MSRB3: variants seen among roughly 807,000 people sequenced by gnomAD.
MSRB3 encodes the protein methionine sulfoxide reductase B3.
In MSRB3, 13 loss-of-function variants were observed where a neutral mutation model predicts 21.0. The observed-to-expected ratio is 0.62, with a 90% confidence interval of 0.40 to 0.98. The LOEUF is 0.98. MSRB3 is among the 50% of genes least tolerant of loss of function. The pLI is 0.00. For missense variants in MSRB3, 199 were observed against 230.3 expected, an observed-to-expected ratio of 0.86 and a Z score of 0.88; for synonymous variants, 87 against 88.6, an observed-to-expected ratio of 0.98 and a Z score of 0.10.
chr12:65,330,765 A>C (rs570406066), intron 4 of MSRB3, among the ~76,000 whole-genome samples: 4 of 152,172 alleles, frequency 2.6e-5, no homozygotes. Flanking sequence ...GTTGGTAAAA[A>C]ATAGTGAAAT....
At chr12:65,382,650 A>T (rs1419825686) in intron 5 of MSRB3, among the ~76,000 whole-genome samples, 1 of 151,832 alleles carries the variant, frequency 6.6e-6, no homozygotes, top group Non-Finnish European at 1.5e-5. Flanking sequence ...GTATCCCTTG[A>T]AATATTGTGA....
intron 1 of MSRB3, among the ~76,000 whole-genome samples, chr12:65,280,891 G>A (rs1050965067): frequency 2.6e-5 from 4 of 152,096 alleles, no homozygotes; most frequent in African/African-American, 9.7e-5. Flanking sequence ...CCAACAGTAA[G>A]GTTCATCAGT....
intron 4 of MSRB3, among the ~76,000 whole-genome samples, chr12:65,333,339 A>G (rs533249425): frequency 6.6e-6 from 1 of 152,364 alleles, no homozygotes; most frequent in African/African-American, 2.4e-5. Flanking sequence ...ATAGGAAGGA[A>G]TATGACTACA....
At chr12:65,451,729 A>G (rs1318260423) in intron 5 of MSRB3, among the ~76,000 whole-genome samples, 1 of 152,246 alleles carries the variant, frequency 6.6e-6, no homozygotes, top group African/African-American at 2.4e-5. Context: ...GTGAGAAACT[A>G]GCATTGATAT....
chr12:65,334,461 ATATTT>A (rs1167412886), intron 4 of MSRB3, among the ~76,000 whole-genome samples: 1 of 152,218 alleles, frequency 6.6e-6, no homozygotes, highest in Non-Finnish European at 1.5e-5. Context: ...TGAAATTTTA[ATATTT>A]TATTTTAGTC....
Position 65,434,104 on chromosome 12 carries a change from C to G in MSRB3, c.293-19624C>G, listed in dbSNP as rs950951938. Among the ~76,000 whole-genome samples the G allele has an allele frequency of 2.0e-5, 3 of 151,894 alleles. No individual in the cohort carries two copies. The South Asian group carries it at 6.2e-4, about 32-fold the overall frequency. ...CCTCATTTAGTGTATGGGGTCCGTC[C>G]TTTCTCCATTTTTTCTTTTTTTGAA... On this transcript the variant is annotated intron_variant, in intron 5 of 6. Coordinates refer to ENST00000308259, the MANE Select transcript of MSRB3 (RefSeq NM_001031679.3).
intron 1 of MSRB3, 23 bp from the exon 2 acceptor site, chr12:65,308,506 T>C (rs555076821): frequency 1.2e-6 from 2 of 1,612,616 alleles, no homozygotes; most frequent in African/African-American, 2.7e-5. Context: ...TTGATTTTTG[T>C]TTTTGTTTTT....
chr12:65,414,227 T>C (rs7301540), intron 5 of MSRB3, among the ~76,000 whole-genome samples: 142,698 of 152,194 alleles, frequency 0.94, 67,634 homozygotes, highest in East Asian at 1. Context: ...TATAGAGAGC[T>C]ACATATGAAA....
intron 4 of MSRB3, among the ~76,000 whole-genome samples, chr12:65,349,911 T>G (rs1398910988): frequency 6.6e-6 from 1 of 152,020 alleles, no homozygotes; most frequent in Non-Finnish European, 1.5e-5. Flanking sequence ...CTCTTTAGTT[T>G]AATTAGATCC....
chr12:65,351,527 G>A (rs1231953128), intron 4 of MSRB3, among the ~76,000 whole-genome samples: 7 of 149,996 alleles, frequency 4.7e-5, no homozygotes, highest in Non-Finnish European at 8.8e-5. Context: ...TCCAGGAGCT[G>A]GTTTTTTGAA....
At chr12:65,341,688 A>T (rs1226564387) in intron 4 of MSRB3, among the ~76,000 whole-genome samples, 1 of 151,964 alleles carries the variant, frequency 6.6e-6, no homozygotes, top group Non-Finnish European at 1.5e-5. Context: ...CCTACTATAT[A>T]TCCACAAAAA....
At chr12:65,319,537 C>A (rs922185742) in intron 2 of MSRB3, among the ~76,000 whole-genome samples, 7 of 152,080 alleles carry the variant, frequency 4.6e-5, no homozygotes, top group African/African-American at 1.7e-4. Flanking sequence ...TTGCACATAC[C>A]TTTACTGTAA....
chr12:65,417,806 C>T (rs1373410879), intron 5 of MSRB3, among the ~76,000 whole-genome samples: 1 of 152,134 alleles, frequency 6.6e-6, no homozygotes, highest in South Asian at 2.1e-4. Flanking sequence ...GTTCAAATGA[C>T]AGGATTTTCT....
At chr12:65,361,929 C>A (rs979276408) in intron 4 of MSRB3, among the ~76,000 whole-genome samples, 1 of 151,812 alleles carries the variant, frequency 6.6e-6, no homozygotes, top group Admixed American at 6.6e-5. Flanking sequence ...AAAAATTAAC[C>A]GTAAAATTAA....
chr12:65,352,692 T>C (rs371308808), intron 4 of MSRB3, among the ~76,000 whole-genome samples: 15 of 151,318 alleles, frequency 9.9e-5, no homozygotes, highest in Non-Finnish European at 1.6e-4. Flanking sequence ...AGAGCCAAAT[T>C]ATGAGTGAAC....
intron 4 of MSRB3, among the ~76,000 whole-genome samples, chr12:65,353,494 C>A (rs568368506): frequency 9.9e-5 from 15 of 151,462 alleles, no homozygotes; most frequent in African/African-American, 3.6e-4. Context: ...CTTCTTTGTC[C>A]CTTTTGATAT....
chr12:65,347,440 C>A (rs991489815), intron 4 of MSRB3, among the ~76,000 whole-genome samples: 1 of 152,120 alleles, frequency 6.6e-6, no homozygotes, highest in Non-Finnish European at 1.5e-5. Context: ...GATTTTGTAT[C>A]CTGAGACTTT....
chr12:65,377,694 A>G (rs1227778875), intron 5 of MSRB3, among the ~76,000 whole-genome samples: 1 of 152,226 alleles, frequency 6.6e-6, no homozygotes, highest in Non-Finnish European at 1.5e-5. Context: ...AGAAATACAT[A>G]ACTAATGATG....
chr12:65,331,064 T>C (rs1261732803), intron 4 of MSRB3, among the ~76,000 whole-genome samples: 1 of 152,200 alleles, frequency 6.6e-6, no homozygotes, highest in Non-Finnish European at 1.5e-5. Context: ...GATCTAAATA[T>C]GTATCTCTAA....
Sources: gnomAD v4.1 joint callset for allele counts (sites outside exome capture counted in the v4.1 genomes callset) on GRCh38, gnomAD v4.1.1 for gene constraint, MANE v1.5 for transcripts, NCBI Gene and HGNC (gene_info 2026-07-23, HGNC 2026-07-21) for gene names.